CHRM3: variants seen among roughly 807,000 people sequenced by gnomAD.
The protein encoded by CHRM3 is muscarinic acetylcholine receptor M3.
Under a neutral mutation model 41.8 loss-of-function variants are expected in CHRM3, and 11 were observed. The ratio of observed to expected loss-of-function variants is 0.26; its 90% confidence interval spans 0.17 to 0.44. CHRM3 has a LOEUF of 0.44. CHRM3 is among the 20% of genes least tolerant of loss of function. The pLI is 1.00. For missense variants in CHRM3, 571 were observed against 745.4 expected (o/e 0.77, Z 2.72); for synonymous variants, 297 against 301.4 (o/e 0.99, Z 0.15).
At chr1:239,649,279 A>G (rs1481944733) in intron 4 of CHRM3, among the ~76,000 whole-genome samples, 2 of 152,152 alleles carry the variant, frequency 1.3e-5, no homozygotes, top group Non-Finnish European at 2.9e-5. Flanking sequence ...GAAAGGCACC[A>G]TCTATGAAGC....
chr1:239,585,085 A>G (rs1001962320), intron 3 of CHRM3, among the ~76,000 whole-genome samples: 1 of 150,634 alleles, frequency 6.6e-6, no homozygotes, highest in African/African-American at 2.4e-5. Context: ...GTATACACAC[A>G]TACGTATATA....
chr1:239,442,718 G>C (rs1196339531), intron 1 of CHRM3, among the ~76,000 whole-genome samples: 1 of 152,190 alleles, frequency 6.6e-6, no homozygotes, highest in Non-Finnish European at 1.5e-5. Context: ...CTTATTTTGA[G>C]TTTACAAGGG....
In CHRM3 at chr1:239,531,639, ATTTTTTTTTTTTTT is replaced by A. The variant is rs58433814; in HGVS notation, c.-421-13978_-421-13965del. Among the ~76,000 whole-genome samples the A allele has an allele frequency of 9.0e-3, 504 of 55,858 alleles. 4 individuals are homozygous for A. The highest frequency in any genetic ancestry group is 0.049 in the Admixed American group (184 of 3,730). The allele number at this position is 55,858 out of a possible 152,430, so 36.6% of individuals were successfully genotyped here. On this transcript the variant is annotated intron_variant, in intron 2 of 6. Coordinates refer to ENST00000676153, the MANE Select transcript of CHRM3 (RefSeq NM_001375978.1). ...ATAAAAACTAATCTCTCTAGAATGGATTTTTTTTTTTTTTTTTTTTTTTTTTTTTTTTTTTTTGG... is the reference window on the plus strand; with the variant it reads ...ATAAAAACTAATCTCTCTAGAATGGATTTTTTTTTTTTTTTTTTTTTTTGG...
chr1:239,728,418 T>TGA, intron 5 of CHRM3, among the ~76,000 whole-genome samples: 1 of 152,100 alleles, frequency 6.6e-6, no homozygotes, highest in Middle Eastern at 3.4e-3. Flanking sequence ...AGGAGAGGAA[T>TGA]CGTCTAGAAG....
intron 2 of CHRM3, among the ~76,000 whole-genome samples, chr1:239,526,396 C>T (rs74519146): frequency 0.03 from 4,536 of 152,186 alleles, 243 homozygotes; most frequent in African/African-American, 0.1. Context: ...GATATTTTTA[C>T]GTGAATTAAG....
intron 5 of CHRM3, among the ~76,000 whole-genome samples, chr1:239,764,079 T>A (rs1667015343): frequency 6.8e-6 from 1 of 147,930 alleles, no homozygotes; most frequent in Non-Finnish European, 1.5e-5. Context: ...AGTGAGATCC[T>A]ATCTCCAAAA....
intron 6 of CHRM3, among the ~76,000 whole-genome samples, chr1:239,870,491 T>C (rs1214874792): frequency 6.6e-6 from 1 of 152,160 alleles, no homozygotes; most frequent in Non-Finnish European, 1.5e-5. Context: ...AGGCCAGCAA[T>C]CCAGACATCA....
At chr1:239,715,292 A>G (rs947551242) in intron 5 of CHRM3, among the ~76,000 whole-genome samples, 4 of 152,168 alleles carry the variant, frequency 2.6e-5, no homozygotes. Flanking sequence ...AGAGGGCACT[A>G]TAACTAGAAG....
chr1:239,534,944 T>A (rs1658053627), intron 2 of CHRM3, among the ~76,000 whole-genome samples: 1 of 152,232 alleles, frequency 6.6e-6, no homozygotes, highest in South Asian at 2.1e-4. Context: ...TTTATAAGAC[T>A]GCTAATCCAT....
intron 1 of CHRM3, among the ~76,000 whole-genome samples, chr1:239,418,247 G>T (rs12129794): frequency 0.19 from 28,593 of 152,150 alleles, 2,795 homozygotes; most frequent in South Asian, 0.29. Context: ...CTGACATTCT[G>T]CTGGCAGCTC....
chr1:239,667,540 G>A lies in CHRM3; in HGVS notation c.-249-10646G>A, dbSNP rs116728472. On this transcript the variant is annotated intron_variant, in intron 4 of 6. Transcript: ENST00000676153. ...TGTGGACTGAGGGTCACCACTTTTG[G>A]GCAGATGTTAATTGTGTGTCCAAGA... 2.1e-3 allele frequency among the ~76,000 whole-genome samples: 317 copies of A among 152,180 alleles called. 2 individuals carry two copies. Among genetic ancestry groups the A allele is most frequent in the African/African-American group, 7.3e-3 (301 of 41,514 alleles).
intron 3 of CHRM3, among the ~76,000 whole-genome samples, chr1:239,579,937 G>T (rs1376475418): frequency 1.3e-5 from 2 of 152,072 alleles, no homozygotes; most frequent in Non-Finnish European, 2.9e-5. Context: ...GATTTTCCCA[G>T]GGTCCTGCAG....
At chr1:239,872,046 A>G (rs1277162710) in intron 6 of CHRM3, among the ~76,000 whole-genome samples, 1 of 152,164 alleles carries the variant, frequency 6.6e-6, no homozygotes, top group Admixed American at 6.5e-5. Context: ...TAAGAAAGCT[A>G]ACACACCTCA....
At chr1:239,601,906 TC>T (rs1425259468) in intron 3 of CHRM3, among the ~76,000 whole-genome samples, 3 of 151,908 alleles carry the variant, frequency 2.0e-5, no homozygotes, top group Non-Finnish European at 2.9e-5. Context: ...CGATACTGCC[TC>T]CGTCTTTCAT....
At chr1:239,787,093 T>G (rs1458112849) in intron 5 of CHRM3, among the ~76,000 whole-genome samples, 5 of 152,150 alleles carry the variant, frequency 3.3e-5, no homozygotes. Context: ...ATCTAAGCTC[T>G]TGCCCATAAT....
chr1:239,532,090 G>A (rs1657647923), intron 2 of CHRM3, among the ~76,000 whole-genome samples: 1 of 124,138 alleles, frequency 8.1e-6, no homozygotes, highest in African/African-American at 3.2e-5. Context: ...TCGGCTCACT[G>A]CAAGCTCCGC....
At chr1:239,873,129 C>A (rs1183084790) in intron 6 of CHRM3, among the ~76,000 whole-genome samples, 1 of 152,102 alleles carries the variant, frequency 6.6e-6, no homozygotes, top group Non-Finnish European at 1.5e-5. Context: ...TATCTGAACA[C>A]ACCCAGGGCA....
intron 5 of CHRM3, among the ~76,000 whole-genome samples, chr1:239,804,525 C>T (rs985637180): frequency 2.0e-5 from 3 of 152,126 alleles, no homozygotes; most frequent in Non-Finnish European, 4.4e-5. Context: ...TTACTGTTGC[C>T]AGTGACGTCT....
At position 239,588,923 on chromosome 1, in the gene CHRM3, A is replaced by G. The variant is rs1244319890; in HGVS notation, c.-313+43174A>G. Among the ~76,000 whole-genome samples the G allele has an allele frequency of 9.2e-5, 14 of 152,110 alleles. No homozygotes were observed. In the East Asian group the frequency reaches 2.7e-3, roughly 29 times the overall value. On this transcript the variant is annotated intron_variant, in intron 3 of 6. Coordinates refer to ENST00000676153, the MANE Select transcript of CHRM3 (RefSeq NM_001375978.1). Reference sequence around the variant, plus strand: ...ATAAGAAAGCAAAACTGTTCATCTTAGTGAGTTATGAAGCATCTTTTTTTT... The same window carrying G: ...ATAAGAAAGCAAAACTGTTCATCTTGGTGAGTTATGAAGCATCTTTTTTTT...
Sources: allele counts gnomAD v4.1 joint callset (sites outside exome capture counted in the v4.1 genomes callset), GRCh38; gene constraint gnomAD v4.1.1; transcripts MANE v1.5; gene names NCBI Gene and HGNC (gene_info 2026-07-23, HGNC 2026-07-21).